STRBP: variants seen among roughly 807,000 people sequenced by gnomAD.
The protein encoded by STRBP is spermatid perinuclear RNA-binding protein.
Under a neutral mutation model 80.1 loss-of-function variants are expected in STRBP, and 13 were observed. That is an observed-to-expected ratio of 0.16 (90% confidence interval 0.11 to 0.26). The LOEUF (loss-of-function observed/expected upper bound fraction) is 0.26. Among genes scored for constraint, STRBP ranks in the 10% least tolerant of loss-of-function variants. STRBP has a pLI of 1.00. For missense variants in STRBP, 485 were observed against 815.2 expected (o/e 0.59, Z 4.93); for synonymous variants, 284 against 291.2 (o/e 0.98, Z 0.25).
At chr9:123,267,409 GTC>G (rs1311311871) in intron 1 of STRBP, among the ~76,000 whole-genome samples, 1 of 151,506 alleles carries the variant, frequency 6.6e-6, no homozygotes, top group Middle Eastern at 3.2e-3. Context: ...CTCAAACTAA[GTC>G]TCTGCCCCAA....
Position 123,115,826 on chromosome 9 carries a change from G to A in STRBP, c.*84+103C>T, listed in dbSNP as rs959631111. The A allele has an allele frequency of 2.5e-5, 9 of 353,854 alleles. No individual in the cohort carries two copies. Among genetic ancestry groups the A allele is most frequent in the African/African-American group, 1.9e-4 (9 of 46,730 alleles). 21.9% of individuals were successfully genotyped at this position (353,854 alleles called of 1,614,324 possible). ...CTCTCTCAAGGCTGCGTCTGTCATC[G>A]CGGGAGGTGTATTTTAGCTCAAATT... is the stretch of plus-strand genomic sequence containing the variant. On this transcript the variant is annotated intron_variant and NMD_transcript_variant, in intron 3 of 3. Coordinates refer to the STRBP transcript ENST00000471564. This position sits in a 1 kb window ranked among gnomAD's most constrained non-coding sequence, Gnocchi z 5.0.
intron 1 of STRBP, among the ~76,000 whole-genome samples, chr9:123,264,368 T>C (rs2041224275): frequency 1.3e-5 from 2 of 152,336 alleles, no homozygotes; most frequent in Middle Eastern, 6.8e-3. Context: ...CAGCAAAGAA[T>C]GAACAAACTT....
chr9:123,203,067 T>C (rs2039384927), intron 2 of STRBP, among the ~76,000 whole-genome samples: 1 of 152,120 alleles, frequency 6.6e-6, no homozygotes, highest in Non-Finnish European at 1.5e-5. Flanking sequence ...CTAATCTACA[T>C]TAGCATCCAG....
chr9:123,240,233 T>C (rs576511696), intron 1 of STRBP, among the ~76,000 whole-genome samples: 1 of 152,240 alleles, frequency 6.6e-6, no homozygotes, highest in Non-Finnish European at 1.5e-5. Context: ...TTTAGCATTA[T>C]GCTAGACCCA....
intron 2 of STRBP, among the ~76,000 whole-genome samples, chr9:123,227,701 G>A (rs548638599): frequency 1.3e-4 from 20 of 151,726 alleles, no homozygotes; most frequent in African/African-American, 4.6e-4. Context: ...AAGTAGCTGG[G>A]ATTACAGGTA....
At chr9:123,137,200 A>C (rs935866074) in intron 14 of STRBP, among the ~76,000 whole-genome samples, 1 of 152,222 alleles carries the variant, frequency 6.6e-6, no homozygotes, top group Non-Finnish European at 1.5e-5. Flanking sequence ...TAATTCATGC[A>C]AGAGCATGAA....
chr9:123,212,642 T>A, intron 2 of STRBP: 1 of 152,150 alleles, frequency 6.6e-6, no homozygotes, highest in East Asian at 1.9e-4. Context: ...CACATGACTA[T>A]CAAGAATATT....
chr9:123,252,796 A>T (rs2040944304), intron 1 of STRBP, among the ~76,000 whole-genome samples: 1 of 152,186 alleles, frequency 6.6e-6, no homozygotes, highest in Admixed American at 6.5e-5. Flanking sequence ...ACATGATACC[A>T]TCCTTTTTAC....
intron 2 of STRBP, among the ~76,000 whole-genome samples, chr9:123,186,194 A>G (rs1303160979): frequency 6.6e-6 from 1 of 151,890 alleles, no homozygotes; most frequent in African/African-American, 2.4e-5. Context: ...AAAATTAACA[A>G]CAAATTAGGT....
intron 2 of STRBP, among the ~76,000 whole-genome samples, chr9:123,224,651 T>G (rs887735471): frequency 6.6e-6 from 1 of 152,212 alleles, no homozygotes; most frequent in Non-Finnish European, 1.5e-5. Context: ...AAGAGATACT[T>G]GTAACTGATT....
At chr9:123,127,235 C>A (rs1237471748) in intron 18 of STRBP, among the ~76,000 whole-genome samples, 1 of 152,192 alleles carries the variant, frequency 6.6e-6, no homozygotes, top group Non-Finnish European at 1.5e-5. Flanking sequence ...TTTAGGAACA[C>A]AATTTTCATC....
At chr9:123,133,958 C>T (rs909429795) in intron 16 of STRBP, among the ~76,000 whole-genome samples, 6 of 152,064 alleles carry the variant, frequency 3.9e-5, no homozygotes, top group African/African-American at 1.4e-4. Flanking sequence ...CTTTGTTTTC[C>T]TTAGAGTTGA....
chr9:123,167,122 T>C (rs2037800677), intron 6 of STRBP, among the ~76,000 whole-genome samples: 1 of 152,254 alleles, frequency 6.6e-6, no homozygotes, highest in South Asian at 2.1e-4. Context: ...CTTTTTTTTT[T>C]CTTCCTTTTT....
intron 4 of STRBP, among the ~76,000 whole-genome samples, chr9:123,174,190 C>G (rs1411444356): frequency 6.6e-6 from 1 of 152,176 alleles, no homozygotes; most frequent in Non-Finnish European, 1.5e-5. Flanking sequence ...AATCCCAACA[C>G]TTTGGGAGGT....
At chr9:123,255,467 AT>A (rs1196381021) in intron 1 of STRBP, among the ~76,000 whole-genome samples, 1 of 152,220 alleles carries the variant, frequency 6.6e-6, no homozygotes, top group African/African-American at 2.4e-5. Flanking sequence ...CACTACTTAG[AT>A]ATCCATAACC....
intron 11 of STRBP, among the ~76,000 whole-genome samples, chr9:123,153,446 C>T (rs1216264018): frequency 6.6e-6 from 1 of 152,182 alleles, no homozygotes; most frequent in Non-Finnish European, 1.5e-5. Context: ...CCACCTCAGC[C>T]TCCCAAAGTG....
Position 123,158,557 on chromosome 9 carries a change from A to C in STRBP, c.836-128T>G. On this transcript the variant is annotated intron_variant, in intron 9 of 18. Transcript: ENST00000348403. The stretch of plus-strand genomic sequence containing the variant: ...AAAAAAACTGAGGAACTAAGTTAAA[A>C]GTCTGCTCAGTTAAGTGGAGTAAAA... The C allele has an allele frequency of 6.7e-6, 5 of 748,894 alleles. No individual in the cohort carries two copies. The South Asian group carries it at 7.3e-5, about 11-fold the overall frequency. 46.4% of individuals were successfully genotyped at this position (748,894 alleles called of 1,614,324 possible). A position where few individuals can be genotyped will look rare whatever the true frequency, so the allele number is the denominator to read the frequency against.
At chr9:123,251,637 A>ATAG (rs2040920129) in intron 1 of STRBP, among the ~76,000 whole-genome samples, 1 of 152,222 alleles carries the variant, frequency 6.6e-6, no homozygotes, top group Non-Finnish European at 1.5e-5. Context: ...AGTCCCCTCC[A>ATAG]TAGCTAATAT....
intron 1 of STRBP, among the ~76,000 whole-genome samples, chr9:123,251,828 A>C (rs16926303): frequency 0.017 from 2,607 of 152,304 alleles, 36 homozygotes; most frequent in South Asian, 0.061. Flanking sequence ...AATACACTAT[A>C]AGCATTTAGT....
Sources: allele counts gnomAD v4.1 joint callset (sites outside exome capture counted in the v4.1 genomes callset), GRCh38; gene constraint gnomAD v4.1.1; non-coding constraint Gnocchi (gnomAD v3.1); transcripts MANE v1.5; gene names NCBI Gene and HGNC (gene_info 2026-07-23, HGNC 2026-07-21).